Variants in CKMT2 observed in about 807,000 individuals in gnomAD.
CKMT2 encodes the protein creatine kinase, mitochondrial 2, also known as creatine kinase S-type, mitochondrial.
A neutral mutation model predicts 48.9 loss-of-function variants in CKMT2; 43 were observed. The ratio of observed to expected loss-of-function variants is 0.88; its 90% CI spans 0.69 to 1.13. CKMT2 has a LOEUF of 1.13. Ranked by LOEUF, CKMT2 falls within the 50% of genes most tolerant of loss-of-function variation. The probability of loss-of-function intolerance (pLI) is 0.00; values close to 1 mark genes in which losing one functional copy is unlikely to be tolerated. For missense variants in CKMT2, 472 were observed against 555.4 expected, an observed-to-expected ratio of 0.85 and a Z score of 1.51; for synonymous variants, 206 against 213.0, an observed-to-expected ratio of 0.97 and a Z score of 0.29.
In CKMT2 at chr5:81,257,855, A is replaced by T. The variant is rs770487219; in HGVS notation, c.878A>T (p.Glu293Val). Residue 293 changes from glutamate to valine, a missense_variant and splice_region_variant, in exon 7 of 10, where the codon GAA (glutamate) becomes GTA (valine). By Grantham distance (121) the Glu-to-Val change is moderately radical. Transcript: ENST00000254035. The stretch of plus-strand genomic sequence containing the variant: ...GAGCGATTCTGTCGTGGACTAAAAG[A>T]AGTAAGATGTTATCTGAGATTTCTG... ...VFERFCRGLK[E>V]VERLIQERGW... is the part of the protein sequence containing the mutation. The T allele has an allele frequency of 3.1e-6, 5 of 1,610,142 alleles. No individual in the cohort carries two copies. The highest frequency in any genetic ancestry group is 4.2e-6 in the Non-Finnish European group (5 of 1,178,332).
intron 8 of CKMT2, among the ~76,000 whole-genome samples, chr5:81,261,259 G>A (rs953235659): frequency 2.6e-5 from 4 of 151,286 alleles, no homozygotes; most frequent in African/African-American, 7.3e-5. Flanking sequence ...CAGCCAACAG[G>A]CAAAAGCTGG....
intron 1 of CKMT2, among the ~76,000 whole-genome samples, chr5:81,248,665 C>T (rs1477157636): frequency 2.0e-5 from 3 of 152,216 alleles, no homozygotes; most frequent in African/African-American, 4.8e-5. Context: ...CTTGTCTGCT[C>T]TTAGTAACTT....
chr5:81,256,893 C>G, intron 5 of CKMT2, 22 bp from the exon 6 acceptor site: 1 of 1,581,298 alleles, frequency 6.3e-7, no homozygotes, highest in Non-Finnish European at 8.7e-7. Flanking sequence ...CTCCTCTCTG[C>G]TTTATCCCTT....
At chr5:81,264,645 T>G (rs1757332723) in intron 9 of CKMT2, among the ~76,000 whole-genome samples, 1 of 152,178 alleles carries the variant, frequency 6.6e-6, no homozygotes, top group Admixed American at 6.5e-5. Flanking sequence ...TGGGAGTCTA[T>G]CCCTGTTGAT....
intron 8 of CKMT2, among the ~76,000 whole-genome samples, chr5:81,259,806 T>G (rs1367315287): frequency 1.3e-5 from 2 of 152,170 alleles, no homozygotes; most frequent in African/African-American, 4.8e-5. Flanking sequence ...TTGTCAATAT[T>G]AGATCAACCA....
chr5:81,259,203 T>TGGAACAGGA lies in CKMT2; in HGVS notation c.964_972dup (p.Gly322_Gly324dup). 6.2e-7 allele frequency: 1 copy of TGGAACAGGA among 1,614,064 alleles called. No individual in the cohort carries two copies. On this transcript the variant is annotated inframe_insertion, in exon 8 of 10. Coordinates refer to ENST00000254035, the MANE Select transcript of CKMT2 (RefSeq NM_001099735.2). ...ACATTTTGACCTGTCCTTCGAACCT[T>TGGAACAGGA]GGAACAGGACTACGAGCTGGTGTCC...
chr5:81,249,052 C>CT (rs113783848), intron 1 of CKMT2, among the ~76,000 whole-genome samples: 3,840 of 138,308 alleles, frequency 0.028, 49 homozygotes, highest in African/African-American at 0.044. Context: ...AATCCATGCT[C>CT]TTTTTTTTTT....
At chr5:81,241,368 G>A (rs1251628593) in intron 1 of CKMT2, among the ~76,000 whole-genome samples, 1 of 152,174 alleles carries the variant, frequency 6.6e-6, no homozygotes, top group Non-Finnish European at 1.5e-5. Flanking sequence ...CCTTTGAAAT[G>A]TATATAAATC....
In CKMT2 at chr5:81,252,873, G is replaced by A; in HGVS notation, c.331G>A (p.Gly111Ser). Residue 111 changes from glycine (G) to serine (S), a missense_variant, in exon 3 of 10, where the codon GGT becomes AGT. Coordinates refer to ENST00000254035, the MANE Select transcript of CKMT2 (RefSeq NM_001099735.2). ...PFIKTVGMVA[G>S]DEESYEVFAD... is the part of the protein sequence containing the mutation. ...CATAAAGACTGTGGGCATGGTGGCT[G>A]GTGACGAGGAGTCCTATGAGGTAAA... 6.2e-7 allele frequency: 1 copy of A among 1,614,206 alleles called. No homozygotes were observed. The highest frequency in any genetic ancestry group is 1.1e-5 in the South Asian group (1 of 91,080).
At chr5:81,265,010 C>G (rs1399633426) in intron 9 of CKMT2, among the ~76,000 whole-genome samples, 1 of 152,046 alleles carries the variant, frequency 6.6e-6, no homozygotes, top group East Asian at 1.9e-4. Flanking sequence ...TAAAGATAAT[C>G]CATTACCTAT....
At chr5:81,251,756 T>C (rs986492845) in intron 2 of CKMT2, 1 of 156,888 alleles carries the variant, frequency 6.4e-6, no homozygotes, top group African/African-American at 2.4e-5. Context: ...ACCTGTCGTG[T>C]ATACAAAGAA....
chr5:81,247,850 T>C (rs1163664608), intron 1 of CKMT2, among the ~76,000 whole-genome samples: 3 of 152,214 alleles, frequency 2.0e-5, no homozygotes, highest in Non-Finnish European at 1.5e-5. Context: ...GCAAGGATAC[T>C]GAGGAATTTC....
chr5:81,256,413 C>T (rs1054506606), intron 5 of CKMT2, among the ~76,000 whole-genome samples: 6 of 152,160 alleles, frequency 3.9e-5, no homozygotes, highest in African/African-American at 1.4e-4. Flanking sequence ...AATCTAGAGC[C>T]TGGCACAGTC....
intron 1 of CKMT2, chr5:81,238,517 T>C (rs1756324595): frequency 1.3e-5 from 2 of 152,158 alleles, no homozygotes; most frequent in Non-Finnish European, 2.9e-5. Context: ...TGGTCTGGGG[T>C]CAGCCTTCCC....
chr5:81,244,100 G>A (rs1756530064), intron 1 of CKMT2: 1 of 985,476 alleles, frequency 1.0e-6, no homozygotes, highest in East Asian at 1.1e-4. Flanking sequence ...GGAGGAACCA[G>A]GGGAGATGTC....
intron 3 of CKMT2, among the ~76,000 whole-genome samples, chr5:81,253,590 C>G (rs1756896598): frequency 6.6e-6 from 1 of 152,130 alleles, no homozygotes; most frequent in Admixed American, 6.5e-5. Context: ...GAAGGCAGTT[C>G]CCTAGAAAGG....
At chr5:81,241,433 T>C (rs1005071838) in intron 1 of CKMT2, among the ~76,000 whole-genome samples, 5 of 152,162 alleles carry the variant, frequency 3.3e-5, no homozygotes, top group African/African-American at 9.7e-5. Flanking sequence ...ACTCTTTTCC[T>C]GCAAGGGCCT....
At chr5:81,258,938 T>C (rs1035931891) in intron 7 of CKMT2, among the ~76,000 whole-genome samples, 182 bp from the exon 8 acceptor site, 6 of 152,214 alleles carry the variant, frequency 3.9e-5, no homozygotes, top group African/African-American at 1.4e-4. Context: ...TTTAACTTAA[T>C]TGGGCCATTT....
intron 2 of CKMT2, among the ~76,000 whole-genome samples, 161 bp from the exon 3 acceptor site, chr5:81,252,534 C>T (rs576487008): frequency 6.6e-6 from 1 of 152,204 alleles, no homozygotes; most frequent in South Asian, 2.1e-4. Context: ...TTTTTTGAAA[C>T]CTGGTGTATT....
Sources: allele counts gnomAD v4.1 joint callset (sites outside exome capture counted in the v4.1 genomes callset), GRCh38; gene constraint gnomAD v4.1.1; transcripts MANE v1.5; gene names NCBI Gene and HGNC (gene_info 2026-07-23, HGNC 2026-07-21).